The following UGT1A9 variants were observed in gnomAD, a reference collection of about 807,000 sequenced individuals.
UGT1A9 encodes UDP glucuronosyltransferase family 1 member A9, also known as UDP-glucuronosyltransferase 1A9.
In UGT1A9, 35 loss-of-function variants were observed where a neutral mutation model predicts 45.0. That is an observed-to-expected ratio of 0.78 (90% CI 0.59 to 1.03). UGT1A9 has a LOEUF of 1.03. Ranked by LOEUF, UGT1A9 falls within the 50% of genes least tolerant of loss-of-function variation. UGT1A9 has a pLI of 0.00. For missense variants in UGT1A9, 687 were observed against 666.6 expected (o/e 1.03, Z -0.34); for synonymous variants, 278 against 250.6 (o/e 1.11, Z -1.03).
At chr2:233,746,512 G>C (rs992094720) in intron 1 of UGT1A9, among the ~76,000 whole-genome samples, 1 of 151,736 alleles carries the variant, frequency 6.6e-6, no homozygotes, top group Non-Finnish European at 1.5e-5. Context: ...AGCCCCCAAA[G>C]CAAGACCATC....
chr2:233,755,215 T>TA (rs1473276470), intron 1 of UGT1A9: 1 of 1,037,208 alleles, frequency 9.6e-7, no homozygotes, highest in Admixed American at 1.9e-5. Context: ...GCCTTCTTGA[T>TA]ACCCTCGGAC....
chr2:233,692,757 G>A, intron 1 of UGT1A9: 1 of 1,177,646 alleles, frequency 8.5e-7, no homozygotes, highest in Non-Finnish European at 1.1e-6. Context: ...GACTTGTGGA[G>A]CTGAAGAGAA....
intron 1 of UGT1A9, chr2:233,760,819 A>C (rs1210599713): frequency 1.2e-6 from 2 of 1,613,450 alleles, no homozygotes. Context: ...ACTGCCATGC[A>C]GCCTGGAATT....
chr2:233,761,294 G>T, intron 1 of UGT1A9: 1 of 1,510,468 alleles, frequency 6.6e-7, no homozygotes, highest in Non-Finnish European at 9.0e-7. Flanking sequence ...TGACTCCTAG[G>T]TTTGAGTCTG....
At chr2:233,715,263 C>T (rs1313325052) in intron 1 of UGT1A9, among the ~76,000 whole-genome samples, 2 of 152,196 alleles carry the variant, frequency 1.3e-5, no homozygotes, top group Non-Finnish European at 2.9e-5. Context: ...AATCCCCTTA[C>T]ATAACAAATT....
chr2:233,718,006 C>A (rs2076621549), intron 1 of UGT1A9: 2 of 407,730 alleles, frequency 4.9e-6, no homozygotes. Flanking sequence ...AGATCTGAGG[C>A]CAGGCTCCAG....
At chr2:233,757,471 C>G (rs1223832347) in intron 1 of UGT1A9, among the ~76,000 whole-genome samples, 8 of 147,498 alleles carry the variant, frequency 5.4e-5, no homozygotes, top group African/African-American at 1.5e-4. Context: ...CTTACTGTCT[C>G]CAAAACCATG....
chr2:233,736,518 C>T (rs567664154), intron 1 of UGT1A9, among the ~76,000 whole-genome samples: 3 of 152,304 alleles, frequency 2.0e-5, no homozygotes, highest in Admixed American at 1.3e-4. Context: ...TCTGTCAACT[C>T]GTCAAAGTCA....
In UGT1A9 at chr2:233,745,331, C is replaced by A. The variant is rs932563797; in HGVS notation, c.856-21703C>A. Among the ~76,000 whole-genome samples, 35 of 151,966 alleles carry A rather than the reference C, an allele frequency of 2.3e-4. 1 individual carries two copies. The highest frequency in any genetic ancestry group is 8.2e-4 in the African/African-American group (34 of 41,248). ...ATTATTTCCACTAGAACTGCTATAT[C>A]ATGACCATGAATTTTGGGGGAATTT... is the stretch of plus-strand genomic sequence containing the variant. On this transcript the variant is annotated intron_variant, in intron 1 of 4. Transcript: ENST00000354728.
intron 1 of UGT1A9, among the ~76,000 whole-genome samples, chr2:233,711,089 T>C (rs2076163028): frequency 6.6e-6 from 1 of 152,208 alleles, no homozygotes; most frequent in African/African-American, 2.4e-5. Flanking sequence ...TCCAAGTCTA[T>C]CTGTGCAGCC....
intron 1 of UGT1A9, among the ~76,000 whole-genome samples, chr2:233,744,790 T>C (rs989648069): frequency 6.6e-5 from 10 of 152,048 alleles, no homozygotes; most frequent in Admixed American, 2.6e-4. Flanking sequence ...TGAAAAATTC[T>C]TGGGGATCCC....
chr2:233,721,761 G>T (rs1319151225), intron 1 of UGT1A9: 5 of 472,432 alleles, frequency 1.1e-5, no homozygotes, highest in Admixed American at 8.9e-5. Flanking sequence ...CATCTAAATT[G>T]TTATATTTAG....
At chr2:233,691,354 A>G in intron 1 of UGT1A9, 1 of 985,506 alleles carries the variant, frequency 1.0e-6, no homozygotes, top group Non-Finnish European at 1.2e-6. Flanking sequence ...CATGCCTTGA[A>G]CAATGAATTT....
At chr2:233,686,688 G>T (rs2074799720) in intron 1 of UGT1A9, among the ~76,000 whole-genome samples, 1 of 152,022 alleles carries the variant, frequency 6.6e-6, no homozygotes, top group Non-Finnish European at 1.5e-5. Flanking sequence ...TATTCTGGTG[G>T]TGCCCTCTGG....
At position 233,769,619 on chromosome 2, in the gene UGT1A9, C is replaced by G; in HGVS notation, c.1295+1180C>G. The G allele has an allele frequency of 1.9e-6, 3 of 1,612,516 alleles. No individual in the cohort carries two copies. The highest frequency in any genetic ancestry group is 2.5e-6 in the Non-Finnish European group (3 of 1,179,738). ...GAACACGGGGACACACCAGCTTGAG[C>G]AAGGGACAACAGGGGAGGACTGATG... On this transcript the variant is annotated intron_variant, in intron 4 of 4. Transcript: ENST00000354728. This position sits in a 1 kb window ranked among gnomAD's most constrained non-coding sequence, Gnocchi z 4.4.
At position 233,672,151 on chromosome 2, in the gene UGT1A9, A is replaced by G. The variant is rs749791560; in HGVS notation, c.217A>G (p.Thr73Ala). 1.7e-5 allele frequency: 28 copies of G among 1,614,110 alleles called. No individual in the cohort carries two copies. In the South Asian group the frequency reaches 2.3e-4, roughly 13 times the overall value. Residue 73 changes from threonine (T) to alanine (A), a missense_variant, in exon 1 of 5, where the codon ACA becomes GCA. Transcript: ENST00000354728. ...SWQLGRSLNC[T>A]VKTYSTSYTL... is the part of the protein sequence containing the mutation. ...GCAACTGGGAAGATCACTGAATTGC[A>G]CAGTGAAGACTTATTCAACTTCATA...
At chr2:233,739,246 G>A (rs1691023323) in intron 1 of UGT1A9, among the ~76,000 whole-genome samples, 1 of 152,234 alleles carries the variant, frequency 6.6e-6, no homozygotes, top group Non-Finnish European at 1.5e-5. Context: ...CTAGAGAAGG[G>A]TGGTAAAGAA....
At chr2:233,743,935 C>T (rs761038539) in intron 1 of UGT1A9, 2 of 1,356,896 alleles carry the variant, frequency 1.5e-6, no homozygotes, top group African/African-American at 1.5e-5. Flanking sequence ...GCCAGAACGG[C>T]CCACCAGGCA....
At chr2:233,741,729 C>T (rs1433169561) in intron 1 of UGT1A9, 1 of 151,846 alleles carries the variant, frequency 6.6e-6, no homozygotes, top group Admixed American at 6.5e-5. Context: ...CATATCCAAA[C>T]CCATATCACA....
Sources: gnomAD v4.1 joint callset for allele counts (sites outside exome capture counted in the v4.1 genomes callset) on GRCh38, gnomAD v4.1.1 for gene constraint, Gnocchi (gnomAD v3.1) non-coding constraint, MANE v1.5 for transcripts, NCBI Gene and HGNC (gene_info 2026-07-23, HGNC 2026-07-21) for gene names.